The following TIMP2 variants were observed in gnomAD, a reference collection of about 807,000 sequenced individuals.
TIMP2 encodes TIMP metallopeptidase inhibitor 2, also known as metalloproteinase inhibitor 2.
Under a neutral mutation model 24.3 loss-of-function variants are expected in TIMP2, and 5 were observed. The observed-to-expected ratio is 0.21, with a 90% CI of 0.11 to 0.43. TIMP2 has a LOEUF of 0.43. Among genes scored for constraint, TIMP2 ranks in the 20% least tolerant of loss-of-function variants. The pLI, the probability that TIMP2 is intolerant of heterozygous loss-of-function variation, is 1.00. For synonymous variants in TIMP2, 130 were observed against 123.2 expected, an observed-to-expected ratio of 1.06 and a Z score of -0.37; for missense variants, 221 against 297.5, an observed-to-expected ratio of 0.74 and a Z score of 1.89.
chr17:78,870,567 G>A (rs1456757228), intron 3 of TIMP2, among the ~76,000 whole-genome samples: 1 of 152,040 alleles, frequency 6.6e-6, no homozygotes, highest in South Asian at 2.1e-4. Flanking sequence ...CAGATGTTAC[G>A]CGAGCTTTTG....
intron 1 of TIMP2, among the ~76,000 whole-genome samples, chr17:78,907,592 T>A (rs546145627): frequency 5.9e-5 from 9 of 152,268 alleles, no homozygotes; most frequent in African/African-American, 2.2e-4. Context: ...ATGAAAAAGT[T>A]TGAAATATTG....
chr17:78,861,750 C>T lies in TIMP2; in HGVS notation c.341-4104G>A, dbSNP rs62075641. Among the ~76,000 whole-genome samples the T allele has an allele frequency of 5.4e-3, 826 of 152,036 alleles. 2 individuals carry two copies. The highest frequency in any genetic ancestry group is 9.2e-3 in the Non-Finnish European group (627 of 67,984). On this transcript the variant is annotated intron_variant, in intron 3 of 4. Transcript: ENST00000262768. The stretch of plus-strand genomic sequence containing the variant: ...CCAAAAAATTGGGATTACAGGTATG[C>T]GCCACCACCCATGGCTAATCTTTGT...
intron 1 of TIMP2, among the ~76,000 whole-genome samples, chr17:78,914,429 C>A (rs893861027): frequency 6.6e-6 from 1 of 151,630 alleles, no homozygotes; most frequent in African/African-American, 2.4e-5. Context: ...ATTACAGGCA[C>A]CCGCCACCAT....
At chr17:78,894,459 G>A (rs1479918041) in intron 1 of TIMP2, among the ~76,000 whole-genome samples, 1 of 152,080 alleles carries the variant, frequency 6.6e-6, no homozygotes, top group Admixed American at 6.6e-5. Context: ...CCACCATGAT[G>A]ATCAAGAGAG....
At chr17:78,882,077 G>C (rs1291262864) in intron 1 of TIMP2, among the ~76,000 whole-genome samples, 1 of 152,212 alleles carries the variant, frequency 6.6e-6, no homozygotes, top group Non-Finnish European at 1.5e-5. Context: ...CGATTCTCCT[G>C]CCTCAGCCTC....
At chr17:78,919,448 A>G (rs1287066249) in intron 1 of TIMP2, among the ~76,000 whole-genome samples, 1 of 152,134 alleles carries the variant, frequency 6.6e-6, no homozygotes, top group African/African-American at 2.4e-5. Flanking sequence ...CTGCCGCTAA[A>G]TGACCAGGGG....
intron 1 of TIMP2, among the ~76,000 whole-genome samples, chr17:78,875,909 C>T (rs2069723836): frequency 2.0e-5 from 3 of 152,318 alleles, no homozygotes; most frequent in South Asian, 2.1e-4. Context: ...CCCACTGCCT[C>T]GCCTGGGCAC....
chr17:78,877,349 C>A (rs1397204227), intron 1 of TIMP2, among the ~76,000 whole-genome samples: 1 of 152,156 alleles, frequency 6.6e-6, no homozygotes, highest in Admixed American at 6.5e-5. Context: ...GAGGCCGAGG[C>A]GGGCGGATCA....
At position 78,924,038 on chromosome 17, in the gene TIMP2, C is replaced by T. The variant is rs2070329963; in HGVS notation, c.130+921G>A. Among the ~76,000 whole-genome samples the T allele has an allele frequency of 6.6e-6, 1 of 152,192 alleles. No homozygotes were observed. Among genetic ancestry groups the T allele is most frequent in the Non-Finnish European group, 1.5e-5 (1 of 68,028 alleles). ...CCAGGAAAACCATGCTGACCAGCAC[C>T]AGGGCTGCAGAGGCTTGAGGTGCAG... On this transcript the variant is annotated intron_variant, in intron 1 of 4. Coordinates refer to ENST00000262768, the MANE Select transcript of TIMP2 (RefSeq NM_003255.5). This position sits in a 1 kb window ranked among gnomAD's most constrained non-coding sequence, Gnocchi z 5.3.
chr17:78,894,881 C>T lies in TIMP2; in HGVS notation c.131-20962G>A, dbSNP rs967855666. On this transcript the variant is annotated intron_variant, in intron 1 of 4. Transcript: ENST00000262768. ...GTAAAGTGAAAATACAAGGTACGGA[C>T]TGGAAGGAAATATTTGCAAATCATA... Among the ~76,000 whole-genome samples the T allele has an allele frequency of 7.2e-5, 11 of 152,058 alleles. No individual in the cohort carries two copies. In the East Asian group the frequency reaches 1.9e-3, roughly 27 times the overall value.
At chr17:78,880,548 CA>C (rs200031095) in intron 1 of TIMP2, among the ~76,000 whole-genome samples, 3 of 149,816 alleles carry the variant, frequency 2.0e-5, no homozygotes, top group African/African-American at 4.9e-5. Context: ...AAAACAAAAA[CA>C]AAAAAAAACA....
intron 2 of TIMP2, among the ~76,000 whole-genome samples, chr17:78,872,472 C>A (rs1567994168): frequency 6.6e-6 from 1 of 152,150 alleles, no homozygotes; most frequent in African/African-American, 2.4e-5. Context: ...TTTCTCAGCA[C>A]TCAGGGAGGC....
intron 3 of TIMP2, among the ~76,000 whole-genome samples, chr17:78,865,330 T>C (rs1027150344): frequency 6.6e-6 from 1 of 152,034 alleles, no homozygotes; most frequent in African/African-American, 2.4e-5. Context: ...ACACTGTGAA[T>C]GTACTTAATG....
intron 1 of TIMP2, among the ~76,000 whole-genome samples, chr17:78,877,000 C>A (rs1238405342): frequency 1.3e-5 from 2 of 152,176 alleles, no homozygotes; most frequent in African/African-American, 4.8e-5. Flanking sequence ...GCTGTCAGTT[C>A]CTGCACACCT....
intron 1 of TIMP2, among the ~76,000 whole-genome samples, chr17:78,880,872 C>T (rs774827562): frequency 6.6e-6 from 1 of 152,204 alleles, no homozygotes; most frequent in Non-Finnish European, 1.5e-5. Context: ...GCTCCCAGGC[C>T]CAAGTTTGGG....
At chr17:78,883,682 G>GT (rs573247943) in intron 1 of TIMP2, among the ~76,000 whole-genome samples, 78 of 152,258 alleles carry the variant, frequency 5.1e-4, no homozygotes, top group African/African-American at 1.8e-3. Context: ...CTGGGTGCCC[G>GT]TCTCCATGGA....
Position 78,896,823 on chromosome 17 carries a change from A to G in TIMP2, c.131-22904T>C. ...GGCCCATTCTCCTCTCTTGCTCTCTACAGCCCCGTGGCCCCAGCGCAGGAG... is the reference window on the plus strand; with the variant it reads ...GGCCCATTCTCCTCTCTTGCTCTCTGCAGCCCCGTGGCCCCAGCGCAGGAG... On this transcript the variant is annotated intron_variant, in intron 1 of 4. Coordinates refer to ENST00000262768, the MANE Select transcript of TIMP2 (RefSeq NM_003255.5). The surrounding 1 kb of genome is among the most constrained non-coding windows in gnomAD (Gnocchi z 4.4). 7.8e-6 allele frequency: 5 copies of G among 640,840 alleles called. No individual in the cohort carries two copies. Among genetic ancestry groups the G allele is most frequent in the Non-Finnish European group, 9.7e-6 (5 of 515,576 alleles). 39.7% of individuals were successfully genotyped at this position (640,840 alleles called of 1,614,324 possible).
At chr17:78,905,814 C>T (rs1465709641) in intron 1 of TIMP2, among the ~76,000 whole-genome samples, 1 of 152,232 alleles carries the variant, frequency 6.6e-6, no homozygotes, top group Non-Finnish European at 1.5e-5. Flanking sequence ...TGGGTCCATA[C>T]TATTGTTGAC....
chr17:78,913,320 G>GTT (rs2070225294), intron 1 of TIMP2, among the ~76,000 whole-genome samples: 3 of 152,344 alleles, frequency 2.0e-5, no homozygotes, highest in Admixed American at 2.0e-4. Flanking sequence ...CAAAATTAGA[G>GTT]ATGATGGCTG....
Sources: allele counts gnomAD v4.1 joint callset (sites outside exome capture counted in the v4.1 genomes callset), GRCh38; gene constraint gnomAD v4.1.1; non-coding constraint Gnocchi (gnomAD v3.1); transcripts MANE v1.5; gene names NCBI Gene and HGNC (gene_info 2026-07-23, HGNC 2026-07-21).